The following DHRS7B variants were observed in gnomAD, a reference collection of about 807,000 sequenced individuals.
The protein encoded by DHRS7B is peroxisomal reductase activating PPAR-gamma.
Under a neutral mutation model 26.4 loss-of-function variants are expected in DHRS7B, and 24 were observed. The ratio of observed to expected loss-of-function variants is 0.91; its 90% CI spans 0.66 to 1.28. The LOEUF (loss-of-function observed/expected upper bound fraction) is 1.28, where lower values mean the gene tolerates loss of function less well. Ranked by LOEUF, DHRS7B falls within the 50% of genes most tolerant of loss-of-function variation. The pLI is 0.00. For missense variants in DHRS7B, 368 were observed against 419.4 expected, an observed-to-expected ratio of 0.88 and a Z score of 1.07; for synonymous variants, 142 against 166.4, an observed-to-expected ratio of 0.85 and a Z score of 1.13.
At chr17:21,183,962 C>T (rs1974572607) in intron 4 of DHRS7B, 152 bp downstream of exon 4, 1 of 685,574 alleles carries the variant, frequency 1.5e-6, no homozygotes, top group South Asian at 1.8e-5. Context: ...TGGGTATTTG[C>T]TTTATAGCTT....
At chr17:21,175,469 A>T (rs1397121770) in intron 2 of DHRS7B, among the ~76,000 whole-genome samples, 1 of 152,154 alleles carries the variant, frequency 6.6e-6, no homozygotes, top group Non-Finnish European at 1.5e-5. Flanking sequence ...CCTTTCATGA[A>T]CCAGGAGCTA....
At chr17:21,156,218 C>T (rs1973874977) in intron 1 of DHRS7B, among the ~76,000 whole-genome samples, 1 of 152,118 alleles carries the variant, frequency 6.6e-6, no homozygotes, top group Non-Finnish European at 1.5e-5. Context: ...GCCTCTAGTC[C>T]AGCTAAGAAA....
chr17:21,158,335 G>A (rs1230047378), intron 1 of DHRS7B, among the ~76,000 whole-genome samples: 1 of 152,218 alleles, frequency 6.6e-6, no homozygotes, highest in Non-Finnish European at 1.5e-5. Context: ...GATTGGGAAG[G>A]AAGAAATGAA....
chr17:21,131,367 T>C (rs995514925), intron 1 of DHRS7B, among the ~76,000 whole-genome samples: 11 of 152,212 alleles, frequency 7.2e-5, no homozygotes, highest in African/African-American at 2.4e-4. Context: ...TCGTAGACTA[T>C]ATAGGGTAAC....
intron 2 of DHRS7B, among the ~76,000 whole-genome samples, chr17:21,173,131 A>C (rs1286928338): frequency 6.6e-6 from 1 of 152,240 alleles, no homozygotes; most frequent in Non-Finnish European, 1.5e-5. Flanking sequence ...CAAACAGATG[A>C]AAGACAGGGT....
chr17:21,188,601 A>G, intron 5 of DHRS7B, 110 bp from the exon 6 acceptor site: 2 of 1,273,370 alleles, frequency 1.6e-6, no homozygotes, highest in Non-Finnish European at 1.1e-6. Flanking sequence ...ACGATCACAA[A>G]TAAAACCAGG....
rs186251235 is a variant in DHRS7B at position 21,132,360 on chromosome 17, T to G, written c.20+5369T>G. On this transcript the variant is annotated intron_variant, in intron 1 of 6. Transcript: ENST00000395511. ...TTAAAAAAAAAAAAATATATATATATATAGATAGATAGATAGATAGAGATA... is the reference window on the plus strand; with the variant it reads ...TTAAAAAAAAAAAAATATATATATAGATAGATAGATAGATAGATAGAGATA... Among the ~76,000 whole-genome samples, 558 of 146,968 alleles carry G rather than the reference T, an allele frequency of 3.8e-3. 8 individuals carry two copies. The East Asian group carries it at 0.051, about 13-fold the overall frequency.
At chr17:21,151,752 C>CA (rs1973777227) in intron 1 of DHRS7B, among the ~76,000 whole-genome samples, 1 of 152,132 alleles carries the variant, frequency 6.6e-6, no homozygotes, top group Non-Finnish European at 1.5e-5. Flanking sequence ...GCTGGAGACT[C>CA]AGTGTGGACA....
chr17:21,187,929 A>G (rs983122930), intron 5 of DHRS7B, among the ~76,000 whole-genome samples: 3 of 151,746 alleles, frequency 2.0e-5, no homozygotes, highest in African/African-American at 7.3e-5. Flanking sequence ...GCTCACTGCA[A>G]GCTCCACCTC....
intron 1 of DHRS7B, among the ~76,000 whole-genome samples, chr17:21,142,963 A>C (rs1435543385): frequency 2.0e-5 from 3 of 152,080 alleles, no homozygotes; most frequent in Non-Finnish European, 4.4e-5. Flanking sequence ...GCGTCTTGCT[A>C]TGTTGCCCAG....
intron 1 of DHRS7B, among the ~76,000 whole-genome samples, chr17:21,144,461 G>T (rs572857419): frequency 6.6e-6 from 1 of 152,268 alleles, no homozygotes; most frequent in Non-Finnish European, 1.5e-5. Flanking sequence ...AAGGAATCTA[G>T]ATTTATGAAA....
chr17:21,183,488 A>C, intron 3 of DHRS7B, 106 bp from the exon 4 acceptor site: 5 of 1,063,026 alleles, frequency 4.7e-6, no homozygotes, highest in Non-Finnish European at 5.5e-6. Flanking sequence ...TAGTTCCTTA[A>C]AATATAAAGT....
chr17:21,137,645 C>T (rs988940490), intron 1 of DHRS7B, among the ~76,000 whole-genome samples: 24 of 152,024 alleles, frequency 1.6e-4, no homozygotes, highest in Non-Finnish European at 3.2e-4. Context: ...TTAGTAGAGA[C>T]GGGGTTTCTC....
chr17:21,148,263 A>G (rs1973684879), intron 1 of DHRS7B, among the ~76,000 whole-genome samples: 1 of 152,078 alleles, frequency 6.6e-6, no homozygotes, highest in Admixed American at 6.6e-5. Context: ...GTTTCAAGGA[A>G]ACTCAATGAT....
intron 1 of DHRS7B, among the ~76,000 whole-genome samples, chr17:21,157,751 C>T (rs1185463572): frequency 6.6e-6 from 1 of 151,940 alleles, no homozygotes; most frequent in Admixed American, 6.6e-5. Context: ...CCTGTAGTCC[C>T]AGTACTTTGG....
At chr17:21,169,485 G>A (rs537725891) in intron 1 of DHRS7B, among the ~76,000 whole-genome samples, 5 of 152,292 alleles carry the variant, frequency 3.3e-5, no homozygotes, top group African/African-American at 7.2e-5. Context: ...CAGAGGCGAG[G>A]ACACTGAGGC....
At chr17:21,127,138 G>T in intron 1 of DHRS7B, 147 bp downstream of exon 1, 1 of 796,146 alleles carries the variant, frequency 1.3e-6, no homozygotes, top group Non-Finnish European at 1.8e-6. Flanking sequence ...TCCCCGCGAC[G>T]CCGAACTCTG....
chr17:21,172,302 C>A, intron 2 of DHRS7B, 106 bp downstream of exon 2: 1 of 1,371,758 alleles, frequency 7.3e-7, no homozygotes, highest in Non-Finnish European at 1.0e-6. Context: ...GAAGCGGCAG[C>A]AGAAGGCCAG....
At chr17:21,157,042 C>G (rs530723050) in intron 1 of DHRS7B, among the ~76,000 whole-genome samples, 2 of 152,074 alleles carry the variant, frequency 1.3e-5, no homozygotes, top group Non-Finnish European at 2.9e-5. Context: ...TCTGAATGGG[C>G]CTGTATCTAT....
Sources: allele counts gnomAD v4.1 joint callset (sites outside exome capture counted in the v4.1 genomes callset), GRCh38; gene constraint gnomAD v4.1.1; transcripts MANE v1.5; gene names NCBI Gene and HGNC (gene_info 2026-07-23, HGNC 2026-07-21).